Variants in TBC1D5 observed in about 807,000 individuals in gnomAD.
TBC1D5 encodes the protein TBC1 domain family, member 5.
A neutral mutation model predicts 100.3 loss-of-function variants in TBC1D5; 75 were observed. The observed-to-expected ratio is 0.75, with a 90% CI of 0.62 to 0.91. The LOEUF is 0.91. Ranked by LOEUF, TBC1D5 falls within the 40% of genes least tolerant of loss-of-function variation. The pLI is 0.00. For missense variants in TBC1D5, 910 were observed against 942.4 expected, an observed-to-expected ratio of 0.97 and a Z score of 0.45; for synonymous variants, 323 against 325.6, an observed-to-expected ratio of 0.99 and a Z score of 0.09.
At chr3:17,649,910 T>C (rs919511746) in intron 1 of TBC1D5, among the ~76,000 whole-genome samples, 2 of 152,064 alleles carry the variant, frequency 1.3e-5, no homozygotes, top group Non-Finnish European at 2.9e-5. Flanking sequence ...CCATCAATGA[T>C]AGACTGAATA....
At chr3:17,185,063 A>G (rs1231152272) in intron 19 of TBC1D5, 46 bp downstream of exon 20, 1 of 1,553,050 alleles carries the variant, frequency 6.4e-7, no homozygotes, top group Admixed American at 1.7e-5. Context: ...AGTGGCTATT[A>G]TTGTGATGAG....
intron 1 of TBC1D5, among the ~76,000 whole-genome samples, chr3:17,674,131 T>G (rs189355570): frequency 4.6e-5 from 7 of 152,188 alleles, no homozygotes; most frequent in Admixed American, 4.6e-4. Context: ...TAGTAAGACT[T>G]TGGACATATC....
intron 2 of TBC1D5, among the ~76,000 whole-genome samples, chr3:17,584,942 C>T (rs2096723461): frequency 6.6e-6 from 1 of 152,208 alleles, no homozygotes; most frequent in African/African-American, 2.4e-5. Context: ...AGGCGTGAGC[C>T]ACTGTGCCCA....
chr3:17,310,793 A>G (rs754535054), intron 13 of TBC1D5, among the ~76,000 whole-genome samples: 2 of 152,092 alleles, frequency 1.3e-5, no homozygotes, highest in Non-Finnish European at 2.9e-5. Context: ...AGAGGATATT[A>G]AAGTAAAATG....
intron 3 of TBC1D5, among the ~76,000 whole-genome samples, chr3:17,469,398 C>A (rs1224477137): frequency 3.9e-5 from 6 of 152,058 alleles, no homozygotes; most frequent in African/African-American, 1.4e-4. Context: ...GATTCTTACT[C>A]TGTTTCTAGC....
intron 15 of TBC1D5, among the ~76,000 whole-genome samples, chr3:17,286,362 T>C (rs1185216018): frequency 6.6e-6 from 1 of 152,224 alleles, no homozygotes; most frequent in Non-Finnish European, 1.5e-5. Flanking sequence ...TCACATTTTC[T>C]ATGACTTTTG....
chr3:17,368,969 C>A (rs1244545315), intron 13 of TBC1D5, among the ~76,000 whole-genome samples: 1 of 152,110 alleles, frequency 6.6e-6, no homozygotes, highest in Non-Finnish European at 1.5e-5. Flanking sequence ...TAACAACTTT[C>A]TTCTAAAAGG....
chr3:17,716,147 A>G lies in TBC1D5; in HGVS notation c.-101+23196T>C, dbSNP rs181265821. On this transcript the variant is annotated intron_variant, in intron 1 of 21. Transcript: ENST00000253692. ...AGATGAAATGAACAACTTAAGACAT[A>G]AAAAGACAACACCATTGAGAGTTTA... Among the ~76,000 whole-genome samples the G allele has an allele frequency of 3.1e-3, 475 of 152,332 alleles. 1 individual carries two copies. The highest frequency in any genetic ancestry group is 5.4e-3 in the Non-Finnish European group (370 of 68,024).
intron 18 of TBC1D5, among the ~76,000 whole-genome samples, chr3:17,196,636 C>G (rs1227214770): frequency 6.6e-6 from 1 of 152,182 alleles, no homozygotes; most frequent in Admixed American, 6.5e-5. Context: ...CAGACATACA[C>G]GATGCACACG....
At chr3:17,234,933 A>G (rs913240473) in intron 17 of TBC1D5, among the ~76,000 whole-genome samples, 3 of 152,166 alleles carry the variant, frequency 2.0e-5, no homozygotes, top group Admixed American at 6.6e-5. Flanking sequence ...TATAAATAGG[A>G]ACATACCACA....
chr3:17,262,271 G>A (rs1355062467), intron 15 of TBC1D5, among the ~76,000 whole-genome samples: 11 of 152,122 alleles, frequency 7.2e-5, no homozygotes, highest in African/African-American at 2.7e-4. Flanking sequence ...GAATACAGTA[G>A]ACAGGTACAA....
intron 2 of TBC1D5, among the ~76,000 whole-genome samples, chr3:17,574,339 G>C (rs1474840604): frequency 2.0e-5 from 3 of 151,876 alleles, no homozygotes; most frequent in African/African-American, 7.3e-5. Context: ...TTGTACTGTT[G>C]ATTATAATAG....
At chr3:17,672,259 A>G (rs1476625142) in intron 1 of TBC1D5, among the ~76,000 whole-genome samples, 2 of 152,228 alleles carry the variant, frequency 1.3e-5, no homozygotes, top group African/African-American at 4.8e-5. Flanking sequence ...ATTTGAACCT[A>G]AAGAATGCAA....
chr3:17,350,500 A>T (rs1213725942), intron 13 of TBC1D5, among the ~76,000 whole-genome samples: 2 of 152,190 alleles, frequency 1.3e-5, no homozygotes, highest in Non-Finnish European at 2.9e-5. Flanking sequence ...TAAGCTCAGA[A>T]TTGATTGAAT....
In TBC1D5 at chr3:17,460,813, A is replaced by T. The variant is rs201302230; in HGVS notation, c.98-32294T>A. 2.6e-5 allele frequency among the ~76,000 whole-genome samples: 4 copies of T among 152,310 alleles called. No individual in the cohort carries two copies. In the East Asian group the frequency reaches 7.7e-4, roughly 29 times the overall value. On this transcript the variant is annotated intron_variant, in intron 3 of 21. Coordinates refer to ENST00000253692, the Ensembl canonical transcript of TBC1D5. Reference sequence around the variant, plus strand: ...ATGTTGGAAATTATACAATAAAAAAAATTAACTTCAATATACTAGTGGGTC... The same window carrying T: ...ATGTTGGAAATTATACAATAAAAAATATTAACTTCAATATACTAGTGGGTC...
At chr3:17,302,065 A>G (rs1335470048) in intron 14 of TBC1D5, among the ~76,000 whole-genome samples, 2 of 152,204 alleles carry the variant, frequency 1.3e-5, no homozygotes, top group African/African-American at 4.8e-5. Context: ...CCAAAATCAA[A>G]GTTTTGGTAG....
At chr3:17,188,207 A>C (rs2069391641) in intron 18 of TBC1D5, among the ~76,000 whole-genome samples, 1 of 152,174 alleles carries the variant, frequency 6.6e-6, no homozygotes, top group Non-Finnish European at 1.5e-5. Flanking sequence ...TTGTATAGTT[A>C]ATGGGGAAGT....
intron 1 of TBC1D5, among the ~76,000 whole-genome samples, chr3:17,721,637 A>C (rs1324034539): frequency 6.6e-6 from 1 of 152,008 alleles, no homozygotes; most frequent in Non-Finnish European, 1.5e-5. Flanking sequence ...GTGCCACTAC[A>C]CTCTAGCCTG....
intron 1 of TBC1D5, among the ~76,000 whole-genome samples, chr3:17,675,237 T>C (rs1560437659): frequency 6.6e-6 from 1 of 152,062 alleles, no homozygotes; most frequent in African/African-American, 2.4e-5. Flanking sequence ...TTATTAAAAA[T>C]AAAATTCAGA....
Sources: allele counts gnomAD v4.1 joint callset (sites outside exome capture counted in the v4.1 genomes callset), GRCh38; gene constraint gnomAD v4.1.1; transcripts MANE v1.5; gene names NCBI Gene and HGNC (gene_info 2026-07-23, HGNC 2026-07-21).